The following NCALD variants were observed in gnomAD, a reference collection of about 807,000 sequenced individuals.
NCALD encodes neurocalcin delta.
Under a neutral mutation model 18.6 loss-of-function variants are expected in NCALD, and 10 were observed. That is an observed-to-expected ratio of 0.54 (90% confidence interval 0.33 to 0.91). The LOEUF (loss-of-function observed/expected upper bound fraction) is 0.91, where lower values mean the gene tolerates loss of function less well. Among genes scored for constraint, NCALD ranks in the 40% least tolerant of loss-of-function variants. The pLI is 0.03. For missense variants in NCALD, 184 were observed against 247.6 expected, an observed-to-expected ratio of 0.74 and a Z score of 1.72; for synonymous variants, 88 against 87.4, an observed-to-expected ratio of 1.01 and a Z score of -0.04.
intron 2 of NCALD, among the ~76,000 whole-genome samples, chr8:101,935,616 T>C (rs958906237): frequency 1.3e-5 from 2 of 152,054 alleles, no homozygotes; most frequent in Non-Finnish European, 2.9e-5. Flanking sequence ...TCAAGGTCAC[T>C]GGGGGCCTTG....
At chr8:102,061,865 T>C (rs1472909374) in intron 1 of NCALD, among the ~76,000 whole-genome samples, 2 of 152,228 alleles carry the variant, frequency 1.3e-5, no homozygotes, top group Non-Finnish European at 2.9e-5. Context: ...AAACTTTGTA[T>C]AAAGCAAAAT....
chr8:102,046,475 A>C (rs779600907), intron 1 of NCALD, among the ~76,000 whole-genome samples: 2 of 152,144 alleles, frequency 1.3e-5, no homozygotes, highest in Non-Finnish European at 2.9e-5. Flanking sequence ...TTATAGGTTT[A>C]TCTTAATTCA....
At chr8:102,080,746 G>A (rs1824501163) in intron 1 of NCALD, among the ~76,000 whole-genome samples, 1 of 152,212 alleles carries the variant, frequency 6.6e-6, no homozygotes, top group Admixed American at 6.5e-5. Flanking sequence ...GTGATTGCAA[G>A]GAGACAGAAG....
At chr8:101,965,630 G>A (rs1184603884) in intron 2 of NCALD, among the ~76,000 whole-genome samples, 5 of 152,106 alleles carry the variant, frequency 3.3e-5, no homozygotes, top group African/African-American at 1.2e-4. Context: ...GGGGGGCCAG[G>A]GGAGGGATAG....
intron 1 of NCALD, among the ~76,000 whole-genome samples, chr8:102,025,275 T>C (rs998229071): frequency 1.3e-5 from 2 of 152,224 alleles, no homozygotes; most frequent in African/African-American, 4.8e-5. Flanking sequence ...AGACCTCCCA[T>C]GATGCCCACC....
At chr8:101,869,237 A>G (rs1815904396) in intron 4 of NCALD, among the ~76,000 whole-genome samples, 1 of 152,228 alleles carries the variant, frequency 6.6e-6, no homozygotes, top group Non-Finnish European at 1.5e-5. Flanking sequence ...TTTATCCTGG[A>G]TGATCTGGAC....
At chr8:101,980,793 C>T (rs1439610393) in intron 2 of NCALD, among the ~76,000 whole-genome samples, 2 of 152,158 alleles carry the variant, frequency 1.3e-5, no homozygotes, top group Non-Finnish European at 2.9e-5. Flanking sequence ...GAGTCACTGG[C>T]GGTATTCATG....
At chr8:101,778,071 G>T (rs1811865954) in intron 1 of NCALD, among the ~76,000 whole-genome samples, 1 of 152,174 alleles carries the variant, frequency 6.6e-6, no homozygotes, top group Non-Finnish European at 1.5e-5. Context: ...TTTAAGATTT[G>T]TACAGAAAGG....
chr8:102,023,535 A>G (rs1245037088), intron 1 of NCALD, among the ~76,000 whole-genome samples: 2 of 152,238 alleles, frequency 1.3e-5, no homozygotes, highest in Non-Finnish European at 2.9e-5. Context: ...GGGGGAATCT[A>G]GCAGGGGCAG....
At chr8:101,716,651 G>T (rs142902387) in intron 2 of NCALD, among the ~76,000 whole-genome samples, 1 of 152,104 alleles carries the variant, frequency 6.6e-6, no homozygotes, top group African/African-American at 2.4e-5. Flanking sequence ...CTGAACGACG[G>T]CCCCCAAAGA....
At chr8:101,851,135 C>T (rs2131330976) in intron 4 of NCALD, among the ~76,000 whole-genome samples, 1 of 152,184 alleles carries the variant, frequency 6.6e-6, no homozygotes, top group South Asian at 2.1e-4. Flanking sequence ...AACCTGTTAT[C>T]CCTGGAGAAT....
rs369393213 is a variant in NCALD at position 101,843,582 on chromosome 8, G to GTTT, written c.-20+43556_-20+43558dup. Among the ~76,000 whole-genome samples, 29 of 125,134 alleles carry GTTT rather than the reference G, an allele frequency of 2.3e-4. 1 individual carries two copies. Among genetic ancestry groups the GTTT allele is most frequent in the African/African-American group, 3.3e-4 (10 of 30,694 alleles). The allele number at this position is 125,134 out of a possible 152,430, so 82.1% of individuals were successfully genotyped here. ...TCTGTTCTATGAATCTTTAAAAATT[G>GTTT]TTTTTTTTTTTTTTGAGACAGTCTT... On this transcript the variant is annotated intron_variant, in intron 4 of 6. Transcript: ENST00000311028.
At chr8:101,772,067 C>T (rs2130900875) in intron 1 of NCALD, among the ~76,000 whole-genome samples, 1 of 152,218 alleles carries the variant, frequency 6.6e-6, no homozygotes, top group Admixed American at 6.5e-5. Flanking sequence ...TTCTACACAC[C>T]CCTGAGACTA....
chr8:101,839,038 G>A (rs1814530915), intron 4 of NCALD, among the ~76,000 whole-genome samples: 1 of 152,194 alleles, frequency 6.6e-6, no homozygotes, highest in African/African-American at 2.4e-5. Context: ...GTAACAATAA[G>A]AGCTTAACAC....
intron 1 of NCALD, among the ~76,000 whole-genome samples, chr8:101,777,430 G>A (rs1260915606): frequency 1.3e-5 from 2 of 152,186 alleles, no homozygotes; most frequent in African/African-American, 4.8e-5. Flanking sequence ...GGACTCAGTG[G>A]AGTCCTGAAG....
intron 4 of NCALD, among the ~76,000 whole-genome samples, chr8:101,825,644 C>T (rs984437032): frequency 6.6e-6 from 1 of 152,204 alleles, no homozygotes. Flanking sequence ...GTAATTCAGT[C>T]GGGTTCAGTC....
intron 1 of NCALD, among the ~76,000 whole-genome samples, chr8:102,084,609 G>C (rs2186683): frequency 0.18 from 27,039 of 152,072 alleles, 2,911 homozygotes; most frequent in African/African-American, 0.3. Context: ...TGGGAGGGGC[G>C]CCACACGCAA....
chr8:101,977,926 A>G (rs927202541), intron 2 of NCALD, among the ~76,000 whole-genome samples: 8 of 152,166 alleles, frequency 5.3e-5, no homozygotes, highest in African/African-American at 1.9e-4. Context: ...AACTCTAGGT[A>G]AGTCACGGTA....
chr8:101,881,850 T>C (rs1220373689), intron 4 of NCALD, among the ~76,000 whole-genome samples: 1 of 151,910 alleles, frequency 6.6e-6, no homozygotes, highest in Non-Finnish European at 1.5e-5. Context: ...ATGTGAGAAT[T>C]ATAGAACTGC....
Sources: gnomAD v4.1 joint callset for allele counts (sites outside exome capture counted in the v4.1 genomes callset) on GRCh38, gnomAD v4.1.1 for gene constraint, MANE v1.5 for transcripts, NCBI Gene and HGNC (gene_info 2026-07-23, HGNC 2026-07-21) for gene names.